Variants in RAD51B observed in about 807,000 individuals in gnomAD.
The protein encoded by RAD51B is RAD51 paralog B.
In RAD51B, 38 loss-of-function variants were observed where a neutral mutation model predicts 42.2. That is an observed-to-expected ratio of 0.90 (90% CI 0.70 to 1.18). The LOEUF (loss-of-function observed/expected upper bound fraction) is 1.18. Ranked by LOEUF, RAD51B falls within the 50% of genes most tolerant of loss-of-function variation. The pLI is 0.00. For synonymous variants in RAD51B, 154 were observed against 145.2 expected (o/e 1.06, Z -0.43); for missense variants, 373 against 400.7 (o/e 0.93, Z 0.59).
chr14:68,364,233 C>G (rs2083093140), intron 8 of RAD51B, among the ~76,000 whole-genome samples: 1 of 152,200 alleles, frequency 6.6e-6, no homozygotes, highest in Non-Finnish European at 1.5e-5. Flanking sequence ...TCTGCGCCCA[C>G]TCCTCATCGC....
At chr14:68,325,657 A>G (rs1406293292) in intron 8 of RAD51B, among the ~76,000 whole-genome samples, 1 of 151,214 alleles carries the variant, frequency 6.6e-6, no homozygotes, top group Non-Finnish European at 1.5e-5. Flanking sequence ...CCAAGAGTAT[A>G]TTACACTTGG....
intron 7 of RAD51B, among the ~76,000 whole-genome samples, chr14:68,053,918 G>A (rs1341009050): frequency 6.6e-6 from 1 of 152,118 alleles, no homozygotes; most frequent in Non-Finnish European, 1.5e-5. Context: ...ATGTGTGGTA[G>A]GTAATAATCC....
intron 8 of RAD51B, among the ~76,000 whole-genome samples, chr14:68,337,333 T>C (rs2082477174): frequency 6.6e-6 from 1 of 152,228 alleles, no homozygotes; most frequent in African/African-American, 2.4e-5. Flanking sequence ...AGTTTATTGA[T>C]ACATGAATTA....
At chr14:67,898,894 A>T (rs1480181846) in intron 7 of RAD51B, among the ~76,000 whole-genome samples, 1 of 152,202 alleles carries the variant, frequency 6.6e-6, no homozygotes, top group Non-Finnish European at 1.5e-5. Context: ...TTATCTTCCA[A>T]TACAAGTAAC....
chr14:68,162,827 G>A lies in RAD51B; in HGVS notation c.757-129057G>A, dbSNP rs543945736. On this transcript the variant is annotated intron_variant, in intron 7 of 10. Coordinates refer to ENST00000471583, the MANE Select transcript of RAD51B (RefSeq NM_133510.4). ...AAAACAAACAAACAAACAAAACTGA[G>A]CCAAAGCATTTCTAAAACTTTGGAT... 8.6e-5 allele frequency among the ~76,000 whole-genome samples: 13 copies of A among 152,002 alleles called. No homozygotes were observed. The South Asian group carries it at 2.7e-3, about 32-fold the overall frequency.
At chr14:68,177,837 C>T (rs2078990601) in intron 7 of RAD51B, among the ~76,000 whole-genome samples, 2 of 152,046 alleles carry the variant, frequency 1.3e-5, no homozygotes, top group South Asian at 4.1e-4. Flanking sequence ...GTTGAGATGA[C>T]CAGATGACCA....
intron 10 of RAD51B, among the ~76,000 whole-genome samples, chr14:68,561,358 G>C (rs1213854392): frequency 6.6e-6 from 1 of 152,190 alleles, no homozygotes; most frequent in Non-Finnish European, 1.5e-5. Flanking sequence ...CTGGGAATCT[G>C]CATTCTTAGC....
In RAD51B at chr14:67,989,726, C is replaced by T. The variant is rs193210625; in HGVS notation, c.756+102522C>T. On this transcript the variant is annotated intron_variant, in intron 7 of 10. Transcript: ENST00000471583. Reference sequence around the variant, plus strand: ...CAGTGGGTTGGGGGGCAACCCCCCACAGGCCACAACTGTAGAGAGAACTTT... The same window carrying T: ...CAGTGGGTTGGGGGGCAACCCCCCATAGGCCACAACTGTAGAGAGAACTTT... Among the ~76,000 whole-genome samples, 28 of 151,418 alleles carry T rather than the reference C, an allele frequency of 1.8e-4. No individual in the cohort carries two copies. In the East Asian group the frequency reaches 5.2e-3, roughly 28 times the overall value.
At chr14:68,678,222 T>C (rs113347006) in intron 11 of RAD51B, among the ~76,000 whole-genome samples, 1 of 152,198 alleles carries the variant, frequency 6.6e-6, no homozygotes, top group African/African-American at 2.4e-5. Context: ...GGCTGGTCCA[T>C]GGCCCATCCT....
At chr14:68,102,213 G>A (rs1433631828) in intron 7 of RAD51B, among the ~76,000 whole-genome samples, 1 of 152,172 alleles carries the variant, frequency 6.6e-6, no homozygotes, top group African/African-American at 2.4e-5. Flanking sequence ...GGGTGGGGCT[G>A]CCATGAAGAC....
chr14:68,439,506 T>TA (rs33987473), intron 9 of RAD51B, among the ~76,000 whole-genome samples: 128,284 of 152,110 alleles, frequency 0.84, 54,278 homozygotes, highest in East Asian at 0.97. Flanking sequence ...CCTTGACAGA[T>TA]ACAGGTCTAC....
At chr14:67,982,443 T>C (rs972339533) in intron 7 of RAD51B, among the ~76,000 whole-genome samples, 2 of 152,228 alleles carry the variant, frequency 1.3e-5, no homozygotes, top group East Asian at 1.9e-4. Flanking sequence ...AATGAACATA[T>C]ACATTATTGA....
In RAD51B at chr14:67,887,027, A is replaced by C. The variant is rs371376587; in HGVS notation, c.579A>C (p.Glu193Asp). The change falls in exon 7 of 11, where the codon GAA (glutamate) becomes GAC (aspartate). Residue 193 changes from glutamate (E) to aspartate (D), a missense_variant. Transcript: ENST00000471583. ...LTCDEVLQRI[E>D]SLEEEIISKG... ...ATAAATTCTTCTTTTATAGGATTGA[A>C]TCTTTGGAAGAAGAAATTATCTCAA... is the stretch of plus-strand genomic sequence containing the variant. The C allele has an allele frequency of 3.5e-5, 52 of 1,490,558 alleles. No homozygotes were observed. The East Asian group carries it at 1.0e-3, about 29-fold the overall frequency. The allele number at this position is 1,490,558 out of a possible 1,614,324, so 92.3% of individuals were successfully genotyped here.
At chr14:67,997,813 C>T (rs1200323697) in intron 7 of RAD51B, among the ~76,000 whole-genome samples, 1 of 152,056 alleles carries the variant, frequency 6.6e-6, no homozygotes, top group Non-Finnish European at 1.5e-5. Flanking sequence ...TCTTTCTGTG[C>T]CTCAGTGTGG....
At chr14:68,644,396 G>T (rs760451399) in intron 10 of RAD51B, among the ~76,000 whole-genome samples, 13 of 152,084 alleles carry the variant, frequency 8.5e-5, no homozygotes, top group Non-Finnish European at 1.5e-4. Context: ...CCACTCCTCT[G>T]ACCCTCTGAG....
At chr14:68,629,393 A>G (rs1037375270) in intron 10 of RAD51B, among the ~76,000 whole-genome samples, 1 of 152,154 alleles carries the variant, frequency 6.6e-6, no homozygotes, top group Non-Finnish European at 1.5e-5. Flanking sequence ...TTCTTCTTTA[A>G]AGGTAGAGAA....
chr14:68,601,477 G>A (rs1165711226), intron 10 of RAD51B, among the ~76,000 whole-genome samples: 3 of 152,142 alleles, frequency 2.0e-5, no homozygotes, highest in African/African-American at 7.2e-5. Flanking sequence ...ATTAATTAAT[G>A]TTTTTGAGCA....
intron 7 of RAD51B, among the ~76,000 whole-genome samples, chr14:67,914,578 ATTTTC>A (rs1230165719): frequency 1.3e-5 from 2 of 152,022 alleles, no homozygotes; most frequent in Non-Finnish European, 2.9e-5. Context: ...ATATATTTAT[ATTTTC>A]TTTTATTATG....
chr14:67,851,687 T>C (rs1280850970), intron 4 of RAD51B, among the ~76,000 whole-genome samples: 2 of 151,802 alleles, frequency 1.3e-5, no homozygotes, highest in Admixed American at 6.6e-5. Flanking sequence ...GGGGAGCAGG[T>C]TGGGTACTCC....
Sources: gnomAD v4.1 joint callset for allele counts (sites outside exome capture counted in the v4.1 genomes callset) on GRCh38, gnomAD v4.1.1 for gene constraint, MANE v1.5 for transcripts, NCBI Gene and HGNC (gene_info 2026-07-23, HGNC 2026-07-21) for gene names.